FAF1: variants seen among roughly 807,000 people sequenced by gnomAD.
The protein encoded by FAF1 is Fas associated factor 1, also known as FAS-associated factor 1.
Under a neutral mutation model 92.5 loss-of-function variants are expected in FAF1, and 25 were observed. The observed-to-expected ratio is 0.27, with a 90% CI of 0.20 to 0.38. The LOEUF (loss-of-function observed/expected upper bound fraction) is 0.38. Ranked by LOEUF, FAF1 falls within the 10% of genes least tolerant of loss-of-function variation. The pLI is 1.00. For synonymous variants in FAF1, 234 were observed against 273.2 expected (o/e 0.86, Z 1.42); for missense variants, 636 against 793.3 (o/e 0.80, Z 2.38).
At chr1:50,923,238 G>A (rs1195979339) in intron 1 of FAF1, among the ~76,000 whole-genome samples, 3 of 152,116 alleles carry the variant, frequency 2.0e-5, no homozygotes, top group East Asian at 1.9e-4. Context: ...GGGCAATATA[G>A]AAAAACCCAT....
intron 8 of FAF1, among the ~76,000 whole-genome samples, chr1:50,639,895 C>A (rs554604416): frequency 6.8e-6 from 1 of 146,232 alleles, no homozygotes; most frequent in Non-Finnish European, 1.5e-5. Flanking sequence ...AATCATGCCA[C>A]TGCACTCCAG....
chr1:50,894,725 C>T (rs758697042), intron 1 of FAF1, among the ~76,000 whole-genome samples: 2 of 151,934 alleles, frequency 1.3e-5, no homozygotes, highest in Non-Finnish European at 2.9e-5. Context: ...ATTCTGGAAA[C>T]TATACAAATA....
intron 1 of FAF1, among the ~76,000 whole-genome samples, chr1:50,862,681 A>G (rs554963622): frequency 1.3e-5 from 2 of 151,950 alleles, no homozygotes; most frequent in Non-Finnish European, 2.9e-5. Flanking sequence ...ACACAAACTT[A>G]AGGTAAAGGG....
chr1:50,850,839 T>A (rs1470180462), intron 2 of FAF1, among the ~76,000 whole-genome samples: 1 of 152,164 alleles, frequency 6.6e-6, no homozygotes, highest in African/African-American at 2.4e-5. Context: ...TGTCATATTA[T>A]TTTTTCTTTT....
intron 15 of FAF1, among the ~76,000 whole-genome samples, chr1:50,507,213 T>G (rs567770320): frequency 3.9e-5 from 6 of 152,278 alleles, no homozygotes; most frequent in Admixed American, 3.9e-4. Flanking sequence ...CCTGAGTCAC[T>G]AAAATAGACA....
intron 8 of FAF1, among the ~76,000 whole-genome samples, chr1:50,613,815 C>T (rs890716151): frequency 6.6e-6 from 1 of 151,792 alleles, no homozygotes; most frequent in African/African-American, 2.4e-5. Flanking sequence ...ACAAAAAAAC[C>T]AGGCAGGGCA....
At position 50,437,567 on chromosome 1, in the gene FAF1, T is replaced by G. The variant is rs1015455461; in HGVS notation, c.*3873A>C. ...GCCTGGCTAATGAAAAGTTTTATTT[T>G]TTATTTATTTATTTTTTTAGAGACA... On this transcript the variant is annotated 3_prime_UTR_variant, in exon 19 of 19. Transcript: ENST00000396153. 1 of 152,052 alleles carries G rather than the reference T, an allele frequency of 6.6e-6. No homozygotes were observed. Among genetic ancestry groups the G allele is most frequent in the Non-Finnish European group, 1.5e-5 (1 of 68,028 alleles). 9.4% of individuals were successfully genotyped at this position (152,052 alleles called of 1,614,324 possible).
intron 7 of FAF1, among the ~76,000 whole-genome samples, chr1:50,672,933 CATGGCAAA>C (rs1655960617): frequency 1.3e-5 from 2 of 151,794 alleles, no homozygotes; most frequent in African/African-American, 4.8e-5. Context: ...GCCTGGGCAA[CATGGCAAA>C]ACCGTGTCTC....
intron 17 of FAF1, among the ~76,000 whole-genome samples, chr1:50,487,283 T>C (rs1381168907): frequency 6.6e-6 from 1 of 152,182 alleles, no homozygotes; most frequent in Non-Finnish European, 1.5e-5. Flanking sequence ...ATATTTTCCT[T>C]TGTTTTGGCC....
intron 8 of FAF1, 103 bp downstream of exon 8, chr1:50,655,339 G>A (rs1487715521): frequency 3.7e-6 from 3 of 814,104 alleles, no homozygotes; most frequent in Non-Finnish European, 6.4e-6. Flanking sequence ...TCTTTCAATG[G>A]AAGACTCAAA....
intron 2 of FAF1, among the ~76,000 whole-genome samples, chr1:50,820,129 G>A (rs921495762): frequency 9.2e-5 from 14 of 151,996 alleles, no homozygotes; most frequent in Admixed American, 5.9e-4. Flanking sequence ...TAGGGGATGG[G>A]GTGGAGAGGG....
chr1:50,948,661 T>C (rs1251393152), intron 1 of FAF1, among the ~76,000 whole-genome samples: 1 of 151,874 alleles, frequency 6.6e-6, no homozygotes, highest in African/African-American at 2.4e-5. Context: ...GCCTCCCAAG[T>C]AGCTGGGACT....
chr1:50,639,450 C>CT (rs1350443131), intron 8 of FAF1, among the ~76,000 whole-genome samples: 4 of 152,268 alleles, frequency 2.6e-5, no homozygotes, highest in Admixed American at 6.5e-5. Context: ...TTATTAAATG[C>CT]TTTTCCAGGA....
At position 50,490,793 on chromosome 1, in the gene FAF1, A is replaced by G. The variant is rs541184308; in HGVS notation, c.1576-128T>C. On this transcript the variant is annotated intron_variant, in intron 16 of 18. Coordinates refer to ENST00000396153, the MANE Select transcript of FAF1 (RefSeq NM_007051.3). ...TGTGACATTCAAAGGCTCATTGTCA[A>G]CATGACTCAGAGGTATATTGTGGTA... is the stretch of plus-strand genomic sequence containing the variant. 8.6e-6 allele frequency: 6 copies of G among 697,156 alleles called. No homozygotes were observed. The East Asian group carries it at 1.5e-4, about 18-fold the overall frequency. 43.2% of individuals were successfully genotyped at this position (697,156 alleles called of 1,614,324 possible). A position where few individuals can be genotyped will look rare whatever the true frequency, so the allele number is the denominator to read the frequency against.
At position 50,539,994 on chromosome 1, in the gene FAF1, CAG is replaced by C. The variant is rs555319662; in HGVS notation, c.1269-268_1269-267del. 1.2e-4 allele frequency among the ~76,000 whole-genome samples: 18 copies of C among 151,966 alleles called. No individual in the cohort carries two copies. The South Asian group carries it at 3.1e-3, about 26-fold the overall frequency. On this transcript the variant is annotated intron_variant, in intron 13 of 18. Coordinates refer to ENST00000396153, the MANE Select transcript of FAF1 (RefSeq NM_007051.3). ...CTTTTCTTAGTCTTTTTTTTTGAGA[CAG>C]AGTCTCTCTCTGTCACCCAGGCTGG...
At chr1:50,787,181 C>T (rs1371913928) in intron 4 of FAF1, among the ~76,000 whole-genome samples, 1 of 152,182 alleles carries the variant, frequency 6.6e-6, no homozygotes, top group African/African-American at 2.4e-5. Context: ...CAGGCATATA[C>T]TTTCACCTCC....
intron 3 of FAF1, among the ~76,000 whole-genome samples, chr1:50,800,861 T>G (rs1661964069): frequency 6.6e-6 from 1 of 152,092 alleles, no homozygotes; most frequent in South Asian, 2.1e-4. Context: ...GCCACCAAAA[T>G]TCAAGCCAAT....
chr1:50,837,921 T>C (rs1644223212), intron 2 of FAF1, among the ~76,000 whole-genome samples: 1 of 152,098 alleles, frequency 6.6e-6, no homozygotes, highest in Non-Finnish European at 1.5e-5. Flanking sequence ...TTTTTTGTAT[T>C]TTTAGCAGAG....
intron 2 of FAF1, among the ~76,000 whole-genome samples, chr1:50,843,948 A>G (rs1366424995): frequency 6.6e-6 from 1 of 152,016 alleles, no homozygotes; most frequent in Non-Finnish European, 1.5e-5. Flanking sequence ...TTTTTGAGGA[A>G]CCTCCATACT....
Sources: gnomAD v4.1 joint callset for allele counts (sites outside exome capture counted in the v4.1 genomes callset) on GRCh38, gnomAD v4.1.1 for gene constraint, MANE v1.5 for transcripts, NCBI Gene and HGNC (gene_info 2026-07-23, HGNC 2026-07-21) for gene names.